UACA: variants seen among roughly 807,000 people sequenced by gnomAD.
The protein encoded by UACA is nuclear membrane binding protein.
In UACA, 112 loss-of-function variants were observed where a neutral mutation model predicts 160.5. The ratio of observed to expected loss-of-function variants is 0.70; its 90% CI spans 0.60 to 0.82. UACA has a LOEUF of 0.82. Ranked by LOEUF, UACA falls within the 40% of genes least tolerant of loss-of-function variation. The pLI is 0.00. For synonymous variants in UACA, 557 were observed against 568.4 expected (o/e 0.98, Z 0.29); for missense variants, 1,574 against 1,614.6 (o/e 0.97, Z 0.43).
intron 7 of UACA, among the ~76,000 whole-genome samples, chr15:70,687,096 A>G (rs1897752793): frequency 6.6e-6 from 1 of 152,218 alleles, no homozygotes; most frequent in Admixed American, 6.5e-5. Flanking sequence ...GAGAAAATCT[A>G]TACTGACACA....
At chr15:70,659,399 T>TTTTTTTTTTTTTTTTTTTTTTTTTTTC (rs1896610688) in intron 18 of UACA, among the ~76,000 whole-genome samples, 1 of 117,774 alleles carries the variant, frequency 8.5e-6, no homozygotes, top group Admixed American at 8.6e-5. Flanking sequence ...TTGTTTGTTT[T>TTTTTTTTTTTTTTTTTTTTTTTTTTTC]TTTTTTTTTT....
intron 1 of UACA, among the ~76,000 whole-genome samples, chr15:70,699,977 G>C (rs766381482): frequency 1.3e-5 from 2 of 152,106 alleles, no homozygotes; most frequent in South Asian, 4.2e-4. Context: ...CACCTACCCT[G>C]TACCAGGCAC....
At chr15:70,694,198 GA>G (rs1158538921) in intron 3 of UACA, among the ~76,000 whole-genome samples, 1 of 152,122 alleles carries the variant, frequency 6.6e-6, no homozygotes, top group Non-Finnish European at 1.5e-5. Flanking sequence ...AGAGAAGTGA[GA>G]ATGTTTATCC....
chr15:70,681,463 T>C (rs1257899436), intron 9 of UACA: 1 of 152,216 alleles, frequency 6.6e-6, no homozygotes, highest in Non-Finnish European at 1.5e-5. Flanking sequence ...TGTCTTTCTG[T>C]TCCTAGTAGA....
chr15:70,753,912 T>C (rs1304838850), intron 1 of UACA, among the ~76,000 whole-genome samples: 1 of 152,180 alleles, frequency 6.6e-6, no homozygotes, highest in Non-Finnish European at 1.5e-5. Context: ...TTCACGCCAT[T>C]GTCCTGCCTC....
the UACA span, among the ~76,000 whole-genome samples, chr15:70,771,873 C>T: frequency 6.6e-6 from 1 of 152,098 alleles, no homozygotes; most frequent in Admixed American, 6.6e-5. Flanking sequence ...CAGGAGCATA[C>T]TGAAGGCCAG....
At chr15:70,726,788 A>G (rs914803514) in intron 1 of UACA, among the ~76,000 whole-genome samples, 2 of 152,190 alleles carry the variant, frequency 1.3e-5, no homozygotes, top group Non-Finnish European at 2.9e-5. Flanking sequence ...TGTCCAATTT[A>G]TTTGTGATTT....
At chr15:70,775,196 A>G in the UACA span, among the ~76,000 whole-genome samples, 4 of 152,316 alleles carry the variant, frequency 2.6e-5, no homozygotes, top group African/African-American at 9.6e-5. Flanking sequence ...AACCTATTAG[A>G]CAGCTGTTTT....
In UACA at chr15:70,669,343, T is replaced by G; in HGVS notation, c.1341A>C (p.Glu447Asp). Residue 447 changes from glutamate (E) to aspartate (D), a missense_variant, in exon 16 of 19, where the codon GAA becomes GAC. Physicochemically the swap from Glu to Asp is conservative, Grantham distance 45. Transcript: ENST00000322954. ...SENEILKKEL[E>D]AMRTFCESAK... ...CTGACTCACAGAAAGTTCGCATTGC[T>G]TCTAACTCTTTCTTTAAAATTTCAT... 6.2e-7 allele frequency: 1 copy of G among 1,614,074 alleles called. No homozygotes were observed. The highest frequency in any genetic ancestry group is 2.2e-5 in the East Asian group (1 of 44,872).
At chr15:70,767,249 A>C (rs1326690285), upstream of UACA, among the ~76,000 whole-genome samples, 20 of 139,320 alleles carry the variant, frequency 1.4e-4, no homozygotes, top group Middle Eastern at 3.8e-3. Flanking sequence ...CAAAAAAAAA[A>C]AAAAAAACAA....
intron 1 of UACA, among the ~76,000 whole-genome samples, chr15:70,762,106 T>C (rs1353417353): frequency 2.6e-5 from 4 of 152,154 alleles, no homozygotes; most frequent in African/African-American, 9.7e-5. Context: ...ATAAAACGAC[T>C]TCATGCTTTA....
At chr15:70,665,587 A>AT (rs1896875768) in intron 16 of UACA, among the ~76,000 whole-genome samples, 1 of 152,288 alleles carries the variant, frequency 6.6e-6, no homozygotes, top group African/African-American at 2.4e-5. Flanking sequence ...CCCCCACAAA[A>AT]TTTTTTATTG....
chr15:70,656,995 T>C lies in UACA; in HGVS notation c.*61A>G, dbSNP rs1896492039. 1 of 1,367,744 alleles carries C rather than the reference T, an allele frequency of 7.3e-7. No homozygotes were observed. 84.7% of individuals were successfully genotyped at this position (1,367,744 alleles called of 1,614,324 possible). ...AGTAAGGCCCAGAAAGACCATGGAG[T>C]TGCACAAAGAATGTTCAGCACCAGC... On this transcript the variant is annotated 3_prime_UTR_variant, in exon 19 of 19. Transcript: ENST00000322954.
rs745420520 is a variant in UACA at position 70,667,795 on chromosome 15, C to T, written c.2889G>A (p.Leu963=). Residue 963 remains leucine (L), a synonymous_variant, in exon 16 of 19, where the codon CTG becomes CTA. Coordinates refer to ENST00000322954, the MANE Select transcript of UACA (RefSeq NM_018003.4). ...YRKGQEEIVT[L]HAEIKAQKKE... is the part of the protein sequence containing the mutation. ...TCTTCTGGGCTTTAATTTCGGCATG[C>T]AGTGTCACAATCTCTTCTTGGCCTT... 6.2e-7 allele frequency: 1 copy of T among 1,614,036 alleles called. No individual in the cohort carries two copies. Among genetic ancestry groups the T allele is most frequent in the South Asian group, 1.1e-5 (1 of 91,080 alleles).
intron 13 of UACA, among the ~76,000 whole-genome samples, chr15:70,674,113 C>T (rs1304599302): frequency 1.3e-5 from 2 of 152,174 alleles, no homozygotes; most frequent in African/African-American, 4.8e-5. Flanking sequence ...CCAATTGCCT[C>T]GGCCTTCCAA....
At chr15:70,776,826 A>G in the UACA span, among the ~76,000 whole-genome samples, 1 of 152,096 alleles carries the variant, frequency 6.6e-6, no homozygotes, top group African/African-American at 2.4e-5. Flanking sequence ...ACTGGCATAC[A>G]TATCACCTTC....
Position 70,669,757 on chromosome 15 carries a change from C to G in UACA, c.1222-295G>C, listed in dbSNP as rs561170970. ...TGGGTGCTATTTTGTCTTTCTTCCC[C>G]CATTCATTAACACCTACCCACACAT... On this transcript the variant is annotated intron_variant, in intron 15 of 18. Transcript: ENST00000322954. Among the ~76,000 whole-genome samples the G allele has an allele frequency of 8.7e-4, 132 of 152,232 alleles. 1 individual carries two copies. In the South Asian group the frequency reaches 0.014, roughly 16 times the overall value.
the UACA span, among the ~76,000 whole-genome samples, chr15:70,772,366 G>A: frequency 2.0e-5 from 3 of 151,910 alleles, no homozygotes; most frequent in South Asian, 2.1e-4. Flanking sequence ...GGTGGTGGGC[G>A]CCAGTAGTCC....
intron 13 of UACA, among the ~76,000 whole-genome samples, chr15:70,672,602 T>C (rs78928467): frequency 0.038 from 5,791 of 152,224 alleles, 365 homozygotes; most frequent in African/African-American, 0.13. Flanking sequence ...TACTGGGTTG[T>C]TCCTTTTCCC....
Sources: allele counts gnomAD v4.1 joint callset (sites outside exome capture counted in the v4.1 genomes callset), GRCh38; gene constraint gnomAD v4.1.1; transcripts MANE v1.5; gene names NCBI Gene and HGNC (gene_info 2026-07-23, HGNC 2026-07-21).